SEPTIN7: variants seen among roughly 807,000 people sequenced by gnomAD.
The protein encoded by SEPTIN7 is septin 7.
SEPTIN7 carries 10 observed loss-of-function variants against 63.3 expected under a neutral mutation model. The ratio of observed to expected loss-of-function variants is 0.16; its 90% CI spans 0.10 to 0.27. The LOEUF is 0.27. SEPTIN7 is among the 10% of genes least tolerant of loss of function. SEPTIN7 has a pLI of 1.00. For missense variants in SEPTIN7, 310 were observed against 521.0 expected, an observed-to-expected ratio of 0.59 and a Z score of 3.94; for synonymous variants, 131 against 165.3, an observed-to-expected ratio of 0.79 and a Z score of 1.59.
chr7:35,817,403 A>G (rs1789140515), intron 1 of SEPTIN7, among the ~76,000 whole-genome samples: 1 of 152,060 alleles, frequency 6.6e-6, no homozygotes, highest in Non-Finnish European at 1.5e-5. Context: ...TTATTGATCT[A>G]TATGTCCTTA....
intron 4 of SEPTIN7, among the ~76,000 whole-genome samples, chr7:35,871,940 C>T (rs1786178061): frequency 6.6e-6 from 1 of 152,148 alleles, no homozygotes; most frequent in African/African-American, 2.4e-5. Context: ...CTTGAGATTA[C>T]AGAATGTCTT....
chr7:35,830,157 T>C (rs1327932466), intron 1 of SEPTIN7, among the ~76,000 whole-genome samples: 3 of 151,006 alleles, frequency 2.0e-5, no homozygotes, highest in Non-Finnish European at 4.4e-5. Flanking sequence ...CCCCCCAGCC[T>C]GGGCAACACA....
chr7:35,831,922 C>T, intron 2 of SEPTIN7: 2 of 296,510 alleles, frequency 6.7e-6, no homozygotes. Context: ...GAATGTGTGC[C>T]TCTTTTTGCT....
At chr7:35,866,240 A>G (rs965476567) in intron 4 of SEPTIN7, among the ~76,000 whole-genome samples, 2 of 152,214 alleles carry the variant, frequency 1.3e-5, no homozygotes, top group African/African-American at 4.8e-5. Context: ...AGAACATGCC[A>G]TATTACAGAC....
At chr7:35,802,152 A>G (rs552826138) in intron 1 of SEPTIN7, 10 of 185,434 alleles carry the variant, frequency 5.4e-5, no homozygotes, top group Middle Eastern at 5.1e-4. Flanking sequence ...AAATATTTCA[A>G]TATTCTCAGT....
intron 11 of SEPTIN7, among the ~76,000 whole-genome samples, chr7:35,893,492 A>G (rs916338442): frequency 3.3e-5 from 5 of 152,138 alleles, no homozygotes; most frequent in Non-Finnish European, 5.9e-5. Context: ...AAGATCCCAT[A>G]ATATCGTGTG....
intron 11 of SEPTIN7, among the ~76,000 whole-genome samples, chr7:35,894,243 T>C (rs1787828589): frequency 6.6e-6 from 1 of 151,818 alleles, no homozygotes. Context: ...TTTTCAGAAC[T>C]GATGTCTATC....
intron 1 of SEPTIN7, among the ~76,000 whole-genome samples, chr7:35,810,319 ATGTTTCC>A (rs1182741220): frequency 6.6e-6 from 1 of 150,446 alleles, no homozygotes; most frequent in Non-Finnish European, 1.5e-5. Context: ...TAGTACTAAA[ATGTTTCC>A]TTTTTTTTTT....
At chr7:35,891,916 T>A (rs1787672504) in intron 11 of SEPTIN7, among the ~76,000 whole-genome samples, 1 of 152,174 alleles carries the variant, frequency 6.6e-6, no homozygotes, top group Non-Finnish European at 1.5e-5. Flanking sequence ...TTAAAAGTTC[T>A]TTCTTTTTTC....
chr7:35,912,506 C>G, the SEPTIN7 span, among the ~76,000 whole-genome samples: 1 of 152,240 alleles, frequency 6.6e-6, no homozygotes, highest in Non-Finnish European at 1.5e-5. Flanking sequence ...GTTCGGGGCT[C>G]TCAGCTCTGA....
intron 6 of SEPTIN7, 73 bp from the exon 7 acceptor site, chr7:35,879,750 A>G: frequency 1.2e-6 from 1 of 810,202 alleles, no homozygotes; most frequent in Non-Finnish European, 2.1e-6. Flanking sequence ...GTATTTAACT[A>G]GCATTGGGGA....
intron 12 of SEPTIN7, chr7:35,900,353 C>A (rs1262604659): frequency 6.6e-6 from 1 of 152,200 alleles, no homozygotes; most frequent in Non-Finnish European, 1.5e-5. Context: ...GGCACTGCCA[C>A]TAAATGCTAA....
intron 5 of SEPTIN7, 115 bp from the exon 6 acceptor site, chr7:35,873,526 C>A: frequency 1.1e-6 from 1 of 912,158 alleles, no homozygotes; most frequent in Non-Finnish European, 1.6e-6. Context: ...CTTGACATAT[C>A]TTCTACTGGT....
Position 35,828,946 on chromosome 7 carries a change from A to ACT in SEPTIN7, c.62-2546_62-2545insCT, listed in dbSNP as rs1346089928. Among the ~76,000 whole-genome samples the ACT allele has an allele frequency of 3.3e-5, 5 of 152,126 alleles. No individual in the cohort carries two copies. The East Asian group carries it at 9.7e-4, about 29-fold the overall frequency. On this transcript the variant is annotated intron_variant, in intron 1 of 13. Transcript: ENST00000350320. ...GGCTGAGAGCTATCTTTAAAACAGT[A>ACT]ATCAGGTCACTTGCCTATGAAAAAC...
chr7:35,808,907 A>G (rs750821458), intron 1 of SEPTIN7, among the ~76,000 whole-genome samples: 10 of 152,244 alleles, frequency 6.6e-5, no homozygotes, highest in Admixed American at 2.0e-4. Flanking sequence ...CACTTGGGAT[A>G]TTGATCTCTT....
intron 11 of SEPTIN7, among the ~76,000 whole-genome samples, chr7:35,893,470 G>T (rs1583640528): frequency 6.6e-6 from 1 of 152,052 alleles, no homozygotes; most frequent in Admixed American, 6.6e-5. Flanking sequence ...GTCAATGACC[G>T]ACTGCATATA....
chr7:35,903,655 A>T (rs1002517107), intron 13 of SEPTIN7, among the ~76,000 whole-genome samples: 2 of 152,204 alleles, frequency 1.3e-5, no homozygotes, highest in Non-Finnish European at 1.5e-5. Flanking sequence ...TAGATATTTG[A>T]TTTCCAATAC....
intron 6 of SEPTIN7, among the ~76,000 whole-genome samples, chr7:35,875,296 C>T (rs1233243617): frequency 6.6e-6 from 1 of 152,054 alleles, no homozygotes. Flanking sequence ...AACAATTTCT[C>T]AGTTTATTTT....
At chr7:35,855,108 T>A (rs1272876832) in intron 3 of SEPTIN7, among the ~76,000 whole-genome samples, 1 of 152,190 alleles carries the variant, frequency 6.6e-6, no homozygotes, top group East Asian at 1.9e-4. Flanking sequence ...TATACTTTTA[T>A]ATACACCAGG....
Sources: allele counts gnomAD v4.1 joint callset (sites outside exome capture counted in the v4.1 genomes callset), GRCh38; gene constraint gnomAD v4.1.1; transcripts MANE v1.5; gene names NCBI Gene and HGNC (gene_info 2026-07-23, HGNC 2026-07-21).